The following KANSL1 variants were observed in gnomAD, a reference collection of about 807,000 sequenced individuals.
KANSL1 encodes KAT8 regulatory NSL complex subunit 1, also known as MLL1/MLL complex subunit KANSL1.
KANSL1 carries 22 observed loss-of-function variants against 103.6 expected under a neutral mutation model. The observed-to-expected ratio is 0.21, with a 90% CI of 0.15 to 0.30. The LOEUF (loss-of-function observed/expected upper bound fraction) is 0.30. KANSL1 is among the 10% of genes least tolerant of loss of function. KANSL1 has a pLI of 1.00. For synonymous variants in KANSL1, 600 were observed against 527.6 expected, an observed-to-expected ratio of 1.14 and a Z score of -1.88; for missense variants, 1,337 against 1,399.8, an observed-to-expected ratio of 0.96 and a Z score of 0.72.
chr17:46,052,581 G>A lies in KANSL1; in HGVS notation c.1849-1877C>T, dbSNP rs188874846. Among the ~76,000 whole-genome samples the A allele has an allele frequency of 6.6e-5, 10 of 151,802 alleles. No homozygotes were observed. In the East Asian group the frequency reaches 1.7e-3, roughly 26 times the overall value. The stretch of plus-strand genomic sequence containing the variant: ...GATCACACCACTGCACTCCAGCCTG[G>A]GCGACAGAATGAGACTAAGTCCAAA... On this transcript the variant is annotated intron_variant, in intron 6 of 14. Coordinates refer to ENST00000432791, the MANE Select transcript of KANSL1 (RefSeq NM_015443.4).
intron 6 of KANSL1, among the ~76,000 whole-genome samples, chr17:46,062,110 CAAACAAACAAAAAAAAAAAAAAAA>C (rs1164445503): frequency 2.2e-4 from 5 of 22,260 alleles, no homozygotes; most frequent in South Asian, 3.0e-3. Context: ...AAAAAAAAAA[CAAACAAACAAAAAAAAAAAAAAAA>C]CATGTTACAG....
At chr17:46,090,584 A>C (rs1311456168) in intron 3 of KANSL1, among the ~76,000 whole-genome samples, 1 of 152,234 alleles carries the variant, frequency 6.6e-6, no homozygotes, top group Non-Finnish European at 1.5e-5. Context: ...AGGTTCATGT[A>C]AGCAGCTGGT....
intron 2 of KANSL1, among the ~76,000 whole-genome samples, chr17:46,109,963 G>A (rs1460928103): frequency 6.6e-6 from 1 of 152,176 alleles, no homozygotes; most frequent in Non-Finnish European, 1.5e-5. Flanking sequence ...GGGGTGAGAG[G>A]GTGACTAGGG....
At chr17:46,152,823 G>A (rs1220258133) in intron 2 of KANSL1, 2 of 152,178 alleles carry the variant, frequency 1.3e-5, no homozygotes, top group East Asian at 1.9e-4. Flanking sequence ...ACAACAAAAT[G>A]TTAAGTATTT....
chr17:46,052,393 T>C (rs1053500191), intron 6 of KANSL1, among the ~76,000 whole-genome samples: 1 of 152,038 alleles, frequency 6.6e-6, no homozygotes, highest in Non-Finnish European at 1.5e-5. Context: ...TCACTTGAGG[T>C]CAGGAGTTTG....
chr17:46,062,974 C>A (rs2078235685), intron 6 of KANSL1, among the ~76,000 whole-genome samples: 2 of 152,178 alleles, frequency 1.3e-5, no homozygotes, highest in African/African-American at 4.8e-5. Context: ...CGCTTGAACC[C>A]GGGAGGAGGA....
intron 1 of KANSL1, among the ~76,000 whole-genome samples, chr17:46,184,588 G>C (rs1406974961): frequency 6.6e-6 from 1 of 152,204 alleles, no homozygotes; most frequent in East Asian, 1.9e-4. Context: ...TCTCCAGCCT[G>C]TCCTCACTGC....
upstream of KANSL1, chr17:46,196,287 T>G (rs62060954): frequency 0.12 from 53,208 of 439,338 alleles, no homozygotes; most frequent in Non-Finnish European, 0.17. Flanking sequence ...CAAATCACTC[T>G]TGGAATAGTC....
chr17:46,212,816 G>A (rs903795726), intron 1 of KANSL1, among the ~76,000 whole-genome samples: 1 of 152,158 alleles, frequency 6.6e-6, no homozygotes, highest in African/African-American at 2.4e-5. Context: ...TCCACTAGCA[G>A]TTTCAGAGAT....
At chr17:46,204,182 T>C (rs1472698643) in intron 1 of KANSL1, among the ~76,000 whole-genome samples, 27 of 151,818 alleles carry the variant, frequency 1.8e-4, no homozygotes, top group Admixed American at 1.4e-3. Flanking sequence ...AAAGGCCGGG[T>C]GTGGTGGCTC....
At chr17:46,040,318 T>A (rs1398245069) in intron 7 of KANSL1, 1 of 159,216 alleles carries the variant, frequency 6.3e-6, no homozygotes, top group Non-Finnish European at 1.4e-5. Flanking sequence ...GAGTACTACA[T>A]ACTCTCTCCA....
intron 2 of KANSL1, among the ~76,000 whole-genome samples, chr17:46,122,381 GGCT>G (rs1193474970): frequency 7.2e-5 from 11 of 152,170 alleles, no homozygotes; most frequent in Admixed American, 6.5e-4. Context: ...AGCATATTTA[GGCT>G]GCTATCATAA....
chr17:46,100,810 A>C (rs1483105838), intron 2 of KANSL1, among the ~76,000 whole-genome samples: 2 of 152,242 alleles, frequency 1.3e-5, no homozygotes, highest in Non-Finnish European at 2.9e-5. Flanking sequence ...CTGATGTATT[A>C]ACATAAATTT....
At chr17:46,168,321 T>A (rs1442845909) in intron 2 of KANSL1, among the ~76,000 whole-genome samples, 1 of 152,212 alleles carries the variant, frequency 6.6e-6, no homozygotes, top group East Asian at 1.9e-4. Context: ...AAAGTATTTA[T>A]GCTTTACTGG....
At chr17:46,062,913 G>T (rs1025953052) in intron 6 of KANSL1, among the ~76,000 whole-genome samples, 1 of 152,084 alleles carries the variant, frequency 6.6e-6, no homozygotes, top group African/African-American at 2.4e-5. Flanking sequence ...AGCTGGGCGT[G>T]GTGGCGTATG....
chr17:46,101,185 T>G (rs1298242120), intron 2 of KANSL1, among the ~76,000 whole-genome samples: 1 of 152,152 alleles, frequency 6.6e-6, no homozygotes, highest in Non-Finnish European at 1.5e-5. Flanking sequence ...TTAGGGTCAC[T>G]GTGGGGCAGG....
At chr17:46,084,622 C>T (rs546100558) in intron 3 of KANSL1, among the ~76,000 whole-genome samples, 1 of 145,530 alleles carries the variant, frequency 6.9e-6, no homozygotes, top group Non-Finnish European at 1.5e-5. Flanking sequence ...GTGTAGGTTG[C>T]AGTGAGCCAA....
intron 1 of KANSL1, among the ~76,000 whole-genome samples, chr17:46,212,308 A>G (rs1299084080): frequency 2.6e-5 from 4 of 151,728 alleles, no homozygotes; most frequent in Admixed American, 2.6e-4. Context: ...GCAACCTCCA[A>G]CTCCCTGGTC....
chr17:46,077,047 G>A (rs1184438311), intron 4 of KANSL1, among the ~76,000 whole-genome samples: 1 of 152,114 alleles, frequency 6.6e-6, no homozygotes, highest in East Asian at 1.9e-4. Flanking sequence ...AGCCAAGACA[G>A]AGTACAATGT....
Sources: gnomAD v4.1 joint callset for allele counts (sites outside exome capture counted in the v4.1 genomes callset) on GRCh38, gnomAD v4.1.1 for gene constraint, MANE v1.5 for transcripts, NCBI Gene and HGNC (gene_info 2026-07-23, HGNC 2026-07-21) for gene names.